The following PCDHGB5 variants were observed in gnomAD, a reference collection of about 807,000 sequenced individuals.
The protein encoded by PCDHGB5 is protocadherin gamma subfamily B, 5, also known as protocadherin gamma-B5.
A neutral mutation model predicts 62.9 loss-of-function variants in PCDHGB5; 48 were observed. The observed-to-expected ratio is 0.76, with a 90% CI of 0.61 to 0.97. The LOEUF is 0.97. PCDHGB5 is among the 50% of genes least tolerant of loss of function. The pLI, the probability that PCDHGB5 is intolerant of heterozygous loss-of-function variation, is 0.00. For missense variants in PCDHGB5, 1,118 were observed against 1,198.6 expected (o/e 0.93, Z 0.99); for synonymous variants, 474 against 511.2 (o/e 0.93, Z 0.98).
intron 1 of PCDHGB5, chr5:141,413,586 C>G (rs2095657085): frequency 2.5e-6 from 4 of 1,613,724 alleles, no homozygotes; most frequent in Admixed American, 1.7e-5. Context: ...CTCCAAAATT[C>G]CAAGCAGAAA....
In PCDHGB5 at chr5:141,451,935, A is replaced by G. The variant is rs148815534; in HGVS notation, c.2398-42872A>G. Among the ~76,000 whole-genome samples, 120 of 152,282 alleles carry G rather than the reference A, an allele frequency of 7.9e-4. 5 individuals carry two copies. The East Asian group carries it at 0.017, about 21-fold the overall frequency. ...GAGGAAGGAAGGGAGGTAGGGAGGC[A>G]GGGAAAGACCGAGAAAGTGACATAC... On this transcript the variant is annotated intron_variant, in intron 1 of 3. Coordinates refer to ENST00000617380, the MANE Select transcript of PCDHGB5 (RefSeq NM_018925.3).
At chr5:141,408,882 A>G (rs1561715935) in intron 1 of PCDHGB5, 1 of 1,613,404 alleles carries the variant, frequency 6.2e-7, no homozygotes, top group Admixed American at 1.7e-5. Context: ...GCCACCGCTC[A>G]CATAGAAATT....
chr5:141,477,970 T>G lies in PCDHGB5; in HGVS notation c.2398-16837T>G. ...TCTTGGGATCCCCTAACCAGAGCCTTTTTGCCATAGGGCTGCACACTGGTC... is the reference window on the plus strand; with the variant it reads ...TCTTGGGATCCCCTAACCAGAGCCTGTTTGCCATAGGGCTGCACACTGGTC... On this transcript the variant is annotated intron_variant, in intron 1 of 3. Coordinates refer to ENST00000617380, the MANE Select transcript of PCDHGB5 (RefSeq NM_018925.3). This position sits in a 1 kb window ranked among gnomAD's most constrained non-coding sequence, Gnocchi z 4.9. 1 of 1,614,090 alleles carries G rather than the reference T, an allele frequency of 6.2e-7. No homozygotes were observed. The highest frequency in any genetic ancestry group is 8.5e-7 in the Non-Finnish European group (1 of 1,180,002).
rs2093865042 is a variant in PCDHGB5, at chr5:141,399,681, C to G, written c.1554C>G (p.Tyr518Ter). 1 of 1,613,408 alleles carries G rather than the reference C, an allele frequency of 6.2e-7. No individual in the cohort carries two copies. Among genetic ancestry groups the G allele is most frequent in the South Asian group, 1.1e-5 (1 of 91,068 alleles). ...TGTTCGCGCAGCGCGCCTTTGACTA[C>G]GAGCAGCTGCGCACCTTCGAACTCA... ...GVVFAQRAFD[Y>*]EQLRTFELTL... is the part of the protein sequence containing the mutation. Residue 518 changes from tyrosine to a stop codon, truncating the protein, a stop_gained, in exon 1 of 4, where the codon TAC becomes TAG. Coordinates refer to ENST00000617380, the MANE Select transcript of PCDHGB5 (RefSeq NM_018925.3). LOFTEE classifies it high-confidence loss of function.
chr5:141,404,147 G>A lies in PCDHGB5; in HGVS notation c.2397+3623G>A, dbSNP rs750117507. 2 of 1,612,990 alleles carry A rather than the reference G, an allele frequency of 1.2e-6. No homozygotes were observed. The highest frequency in any genetic ancestry group is 1.7e-6 in the Non-Finnish European group (2 of 1,179,340). ...ATCTTTTACATTAGAAAATTCAGAA[G>A]AAGATTATTACAGATTGTTGACGGC... On this transcript the variant is annotated intron_variant, in intron 1 of 3. Coordinates refer to ENST00000617380, the MANE Select transcript of PCDHGB5 (RefSeq NM_018925.3).
intron 1 of PCDHGB5, among the ~76,000 whole-genome samples, chr5:141,460,992 T>C (rs2099006034): frequency 6.6e-6 from 1 of 151,316 alleles, no homozygotes; most frequent in South Asian, 2.1e-4. Context: ...TGTATATATA[T>C]ATATGTGTAT....
At chr5:141,413,990 A>G (rs1179968710) in intron 1 of PCDHGB5, 6 of 1,613,434 alleles carry the variant, frequency 3.7e-6, no homozygotes, top group Admixed American at 1.7e-5. Context: ...ACAGCCACCG[A>G]CAGGGACGAA....
intron 1 of PCDHGB5, chr5:141,415,488 C>T: frequency 1.9e-6 from 3 of 1,614,220 alleles, no homozygotes; most frequent in Non-Finnish European, 2.5e-6. Context: ...GAAAGAGTCA[C>T]CTGATCTTCC....
intron 1 of PCDHGB5, chr5:141,404,997 C>A (rs2154535986): frequency 6.2e-7 from 1 of 1,614,034 alleles, no homozygotes; most frequent in East Asian, 2.2e-5. Context: ...CAGATCCCTG[C>A]AGACCTGGAG....
Position 141,490,888 on chromosome 5 carries a change from C to G in PCDHGB5, c.2398-3919C>G. The G allele has an allele frequency of 1.2e-6, 2 of 1,613,358 alleles. No individual in the cohort carries two copies. The highest frequency in any genetic ancestry group is 1.7e-6 in the Non-Finnish European group (2 of 1,179,390). On this transcript the variant is annotated intron_variant, in intron 1 of 3. Transcript: ENST00000617380. This position sits in a 1 kb window ranked among gnomAD's most constrained non-coding sequence, Gnocchi z 5.4. Reference sequence around the variant, plus strand: ...TCCCCCATTGCATGCCAACACATCTCTGCATGTGTTTGTCCTAGACGAGAA... The same window carrying G: ...TCCCCCATTGCATGCCAACACATCTGTGCATGTGTTTGTCCTAGACGAGAA...
At chr5:141,409,148 A>C (rs2154541051) in intron 1 of PCDHGB5, 1 of 1,614,056 alleles carries the variant, frequency 6.2e-7, no homozygotes. Context: ...AGAAAGGTAC[A>C]CCATGGAAGT....
Position 141,490,965 on chromosome 5 carries a change from C to G in PCDHGB5, c.2398-3842C>G. On this transcript the variant is annotated intron_variant, in intron 1 of 3. Coordinates refer to ENST00000617380, the MANE Select transcript of PCDHGB5 (RefSeq NM_018925.3). This position sits in a 1 kb window ranked among gnomAD's most constrained non-coding sequence, Gnocchi z 5.4. ...CACGGCCAGACTGGGAACACTCAGC[C>G]CCCCAGCGTCTCCCTCGCTCTGCTC... is the stretch of plus-strand genomic sequence containing the variant. 5 of 1,613,856 alleles carry G rather than the reference C, an allele frequency of 3.1e-6. No homozygotes were observed. The highest frequency in any genetic ancestry group is 3.3e-4 in the Middle Eastern group (2 of 6,062).
intron 1 of PCDHGB5, among the ~76,000 whole-genome samples, chr5:141,458,449 A>G (rs1483902182): frequency 6.6e-6 from 1 of 152,086 alleles, no homozygotes; most frequent in Non-Finnish European, 1.5e-5. Context: ...CCACATTAAC[A>G]ATTTTTAAAA....
At position 141,431,203 on chromosome 5, in the gene PCDHGB5, T is replaced by C. The variant is rs139061906; in HGVS notation, c.2397+30679T>C. On this transcript the variant is annotated intron_variant, in intron 1 of 3. Coordinates refer to ENST00000617380, the MANE Select transcript of PCDHGB5 (RefSeq NM_018925.3). This position sits in a 1 kb window ranked among gnomAD's most constrained non-coding sequence, Gnocchi z 4.8. ...TAAAAATTAGTGAAAATGCAGCCACTGAGATGCGGTTCCCTCTACCCCACG... is the reference window on the plus strand; with the variant it reads ...TAAAAATTAGTGAAAATGCAGCCACCGAGATGCGGTTCCCTCTACCCCACG... The C allele has an allele frequency of 3.1e-6, 5 of 1,614,116 alleles. No individual in the cohort carries two copies. The highest frequency in any genetic ancestry group is 1.1e-5 in the South Asian group (1 of 91,090).
chr5:141,474,985 C>T (rs2099357651), intron 1 of PCDHGB5, among the ~76,000 whole-genome samples: 1 of 152,202 alleles, frequency 6.6e-6, no homozygotes, highest in Non-Finnish European at 1.5e-5. Context: ...TGTTTGGTGA[C>T]AACAATTCTA....
intron 1 of PCDHGB5, chr5:141,441,780 C>A: frequency 2.6e-6 from 1 of 391,236 alleles, no homozygotes. Flanking sequence ...GGTGGACGAC[C>A]TGAATGACAA....
rs375166529 is a variant in PCDHGB5, at chr5:141,399,734, C to G, written c.1607C>G (p.Pro536Arg). The G allele has an allele frequency of 3.7e-6, 6 of 1,613,220 alleles. No homozygotes were observed. The African/African-American group carries it at 4.0e-5, about 11-fold the overall frequency. ...CTACAGGCCCGCGACCAGGGCTCGC[C>G]TGCGCTCAGCGCAAACGTGAGCCTG... ...LTLQARDQGS[P>R]ALSANVSLRV... The change falls in exon 1 of 4, where the codon CCT (proline) becomes CGT (arginine). Residue 536 changes from proline to arginine, a missense_variant. Transcript: ENST00000617380.
At chr5:141,420,062 T>G (rs759817545) in intron 1 of PCDHGB5, 1 of 1,614,066 alleles carries the variant, frequency 6.2e-7, no homozygotes, top group Non-Finnish European at 8.5e-7. Context: ...CTGCTCCAAG[T>G]CCGGACCTGT....
intron 1 of PCDHGB5, chr5:141,422,041 G>A (rs371079504): frequency 2.1e-5 from 34 of 1,611,632 alleles, no homozygotes; most frequent in Non-Finnish European, 2.9e-5. Flanking sequence ...GGATCCAGAC[G>A]AGGGAATCAA....
Sources: gnomAD v4.1 joint callset for allele counts (sites outside exome capture counted in the v4.1 genomes callset) on GRCh38, gnomAD v4.1.1 for gene constraint, Gnocchi (gnomAD v3.1) non-coding constraint, MANE v1.5 for transcripts, NCBI Gene and HGNC (gene_info 2026-07-23, HGNC 2026-07-21) for gene names.